Variants in NCKAP5 observed in about 807,000 individuals in gnomAD.
NCKAP5 encodes the protein NCK associated protein 5.
NCKAP5 carries 92 observed loss-of-function variants against 167.0 expected under a neutral mutation model. That is an observed-to-expected ratio of 0.55 (90% CI 0.47 to 0.66). The LOEUF is 0.66. Ranked by LOEUF, NCKAP5 falls within the 30% of genes least tolerant of loss-of-function variation. NCKAP5 has a pLI of 0.00. For synonymous variants in NCKAP5, 891 were observed against 877.4 expected, an observed-to-expected ratio of 1.02 and a Z score of -0.27; for missense variants, 2,378 against 2,315.0, an observed-to-expected ratio of 1.03 and a Z score of -0.56.
intron 11 of NCKAP5, among the ~76,000 whole-genome samples, chr2:132,818,846 A>G (rs1180153806): frequency 1.3e-5 from 2 of 152,332 alleles, no homozygotes; most frequent in South Asian, 2.1e-4. Flanking sequence ...ACATTTTATC[A>G]TATTATAGCT....
chr2:133,308,177 C>T (rs1210209871), intron 3 of NCKAP5, among the ~76,000 whole-genome samples: 1 of 149,896 alleles, frequency 6.7e-6, no homozygotes, highest in Non-Finnish European at 1.5e-5. Context: ...CAAGCTCCGC[C>T]TCCCGGGTTC....
intron 6 of NCKAP5, among the ~76,000 whole-genome samples, chr2:133,024,027 CCTT>C (rs1406804361): frequency 1.2e-4 from 19 of 152,240 alleles, no homozygotes; most frequent in African/African-American, 4.6e-4. Flanking sequence ...TGTCTTAACT[CCTT>C]CTCACTGACA....
In NCKAP5 at chr2:133,076,510, T is replaced by A. The variant is rs550231472; in HGVS notation, c.341+53468A>T. 1.8e-4 allele frequency among the ~76,000 whole-genome samples: 27 copies of A among 152,346 alleles called. 1 individual carries two copies. In the South Asian group the frequency reaches 5.6e-3, roughly 32 times the overall value. Reference sequence around the variant, plus strand: ...TTGATTTTAAATTCAAAGTTCAATATTGCAATTCCATCTACAATTAGGAAC... The same window carrying A: ...TTGATTTTAAATTCAAAGTTCAATAATGCAATTCCATCTACAATTAGGAAC... On this transcript the variant is annotated intron_variant, in intron 6 of 19. Transcript: ENST00000409261.
At chr2:133,524,120 G>T (rs1403913120) in intron 2 of NCKAP5, among the ~76,000 whole-genome samples, 1 of 152,140 alleles carries the variant, frequency 6.6e-6, no homozygotes, top group Non-Finnish European at 1.5e-5. Context: ...AGATCTCTGG[G>T]GGTGGGAACC....
At chr2:132,681,381 A>T (rs1388115860) in intron 19 of NCKAP5, among the ~76,000 whole-genome samples, 2 of 148,500 alleles carry the variant, frequency 1.3e-5, no homozygotes, top group African/African-American at 5.0e-5. Flanking sequence ...GCATCGTTTT[A>T]TGTCTTAAAT....
At chr2:133,654,544 G>C in the NCKAP5 span, among the ~76,000 whole-genome samples, 1 of 152,070 alleles carries the variant, frequency 6.6e-6, no homozygotes, top group Non-Finnish European at 1.5e-5. Flanking sequence ...CCATCCTTTG[G>C]CTCTCTCTGA....
rs150960199 is a variant in NCKAP5, at chr2:133,403,625, C to T, written c.70-100515G>A. ...TCAAGGCTGGCACCAGCTTTAACGG[C>T]GGATGGTGCAAACTGCTTTAGTTAC... On this transcript the variant is annotated intron_variant, in intron 3 of 19. Coordinates refer to ENST00000409261, the MANE Select transcript of NCKAP5 (RefSeq NM_207363.3). Among the ~76,000 whole-genome samples the T allele has an allele frequency of 6.6e-3, 1,005 of 152,268 alleles. 11 individuals carry two copies. Among genetic ancestry groups the T allele is most frequent in the Non-Finnish European group, 8.4e-3 (568 of 68,014 alleles).
intron 3 of NCKAP5, among the ~76,000 whole-genome samples, chr2:133,441,919 T>C (rs1237086330): frequency 1.3e-5 from 2 of 152,356 alleles, no homozygotes; most frequent in East Asian, 3.9e-4. Context: ...TCATAAAAAC[T>C]CTACCAGGTA....
intron 6 of NCKAP5, among the ~76,000 whole-genome samples, chr2:133,098,208 T>C (rs1344167994): frequency 2.0e-5 from 3 of 152,224 alleles, no homozygotes; most frequent in Non-Finnish European, 4.4e-5. Flanking sequence ...GTGTTTTTAA[T>C]CAGACACATC....
In NCKAP5 at chr2:132,903,855, C is replaced by T. The variant is rs547291056; in HGVS notation, c.580-24939G>A. On this transcript the variant is annotated intron_variant, in intron 8 of 19. Transcript: ENST00000409261. ...AAAGCAAATATTGTTCAAACTTATG[C>T]AACCCACACGTAATTACCATTAATG... Among the ~76,000 whole-genome samples the T allele has an allele frequency of 2.6e-5, 4 of 152,246 alleles. No homozygotes were observed. In the South Asian group the frequency reaches 8.3e-4, roughly 32 times the overall value.
chr2:132,950,918 G>GA (rs563128272), intron 8 of NCKAP5, among the ~76,000 whole-genome samples: 95 of 149,834 alleles, frequency 6.3e-4, no homozygotes, highest in African/African-American at 1.7e-3. Context: ...AACAGAAACA[G>GA]AAAAAAAAAT....
intron 5 of NCKAP5, among the ~76,000 whole-genome samples, chr2:133,201,280 A>AACTTATGATTT (rs1176245438): frequency 6.6e-6 from 1 of 152,178 alleles, no homozygotes; most frequent in East Asian, 1.9e-4. Flanking sequence ...CACAATTTAT[A>AACTTATGATTT]ACTTATGATT....
At chr2:132,705,252 A>G (rs1688245852) in intron 19 of NCKAP5, among the ~76,000 whole-genome samples, 1 of 147,130 alleles carries the variant, frequency 6.8e-6, no homozygotes. Flanking sequence ...AATGTGTGGT[A>G]ATTTCTCTCA....
At chr2:132,700,942 C>A (rs1226858703) in intron 19 of NCKAP5, among the ~76,000 whole-genome samples, 1 of 135,736 alleles carries the variant, frequency 7.4e-6, no homozygotes, top group African/African-American at 2.9e-5. Context: ...GGGGGGGGGG[C>A]TTTTAAGCAA....
At chr2:133,069,886 C>T (rs1413167778) in intron 6 of NCKAP5, among the ~76,000 whole-genome samples, 1 of 150,668 alleles carries the variant, frequency 6.6e-6, no homozygotes, top group Non-Finnish European at 1.5e-5. Context: ...TATATATACA[C>T]ACACACAAAA....
chr2:132,873,153 G>C (rs1377836989), intron 9 of NCKAP5, among the ~76,000 whole-genome samples: 1 of 152,020 alleles, frequency 6.6e-6, no homozygotes, highest in Non-Finnish European at 1.5e-5. Context: ...ACCCAGGCTG[G>C]AGTGCAGTAG....
At chr2:133,302,944 A>G in intron 4 of NCKAP5, 93 bp downstream of exon 4, 2 of 877,562 alleles carry the variant, frequency 2.3e-6, no homozygotes, top group African/African-American at 1.7e-5. Flanking sequence ...AGGACTTAGT[A>G]TATATTCTGT....
At chr2:132,874,772 G>C (rs924750205) in intron 9 of NCKAP5, among the ~76,000 whole-genome samples, 4 of 152,136 alleles carry the variant, frequency 2.6e-5, no homozygotes, top group Admixed American at 1.3e-4. Context: ...CCAATTTCCT[G>C]TCCCTGCATA....
chr2:133,184,459 T>C (rs868139601), intron 5 of NCKAP5, among the ~76,000 whole-genome samples: 20 of 152,156 alleles, frequency 1.3e-4, no homozygotes, highest in African/African-American at 4.1e-4. Context: ...GTAGAACAAT[T>C]TATATTCCTT....
Sources: allele counts gnomAD v4.1 joint callset (sites outside exome capture counted in the v4.1 genomes callset), GRCh38; gene constraint gnomAD v4.1.1; transcripts MANE v1.5; gene names NCBI Gene and HGNC (gene_info 2026-07-23, HGNC 2026-07-21).